The following CEP350 variants were observed in gnomAD, a reference collection of about 807,000 sequenced individuals.
CEP350 encodes centrosomal protein 350, also known as centrosome-associated protein 350.
CEP350 carries 126 observed loss-of-function variants against 331.8 expected under a neutral mutation model. The observed-to-expected ratio is 0.38, with a 90% CI of 0.33 to 0.44. The LOEUF (loss-of-function observed/expected upper bound fraction) is 0.44, where lower values mean the gene tolerates loss of function less well. CEP350 is among the 20% of genes least tolerant of loss of function. The probability of loss-of-function intolerance (pLI) is 1.00; values close to 1 mark genes in which losing one functional copy is unlikely to be tolerated. For synonymous variants in CEP350, 1,200 were observed against 1,259.5 expected, an observed-to-expected ratio of 0.95 and a Z score of 1.00; for missense variants, 3,406 against 3,634.6, an observed-to-expected ratio of 0.94 and a Z score of 1.62.
At chr1:180,063,673 C>T (rs1407354176) in intron 26 of CEP350, among the ~76,000 whole-genome samples, 2 of 152,042 alleles carry the variant, frequency 1.3e-5, no homozygotes, top group Non-Finnish European at 2.9e-5. Flanking sequence ...ATTAGCTGGA[C>T]ATGGTGGCAT....
At chr1:179,996,394 T>C (rs1374914457) in intron 5 of CEP350, among the ~76,000 whole-genome samples, 159 bp from the exon 6 acceptor site, 1 of 152,224 alleles carries the variant, frequency 6.6e-6, no homozygotes, top group Non-Finnish European at 1.5e-5. Context: ...TGTTTTGATA[T>C]ATGTATACCT....
chr1:180,088,611 ATTTTTG>A lies in CEP350; in HGVS notation c.6425+897_6425+902del, dbSNP rs1163306450. ...GTTTCTTTAAAAAGTATTTTGGGAC[ATTTTTG>A]TTAGAGAGGTATGGCAGGCTCATTA... On this transcript the variant is annotated intron_variant, in intron 32 of 37. Coordinates refer to ENST00000367607, the MANE Select transcript of CEP350 (RefSeq NM_014810.5). 5.3e-5 allele frequency among the ~76,000 whole-genome samples: 8 copies of A among 152,280 alleles called. No individual in the cohort carries two copies. The East Asian group carries it at 1.5e-3, about 29-fold the overall frequency.
chr1:180,054,497 GA>G lies in CEP350; in HGVS notation c.5261del (p.Lys1754ArgfsTer4). On this transcript the variant is annotated frameshift_variant, in exon 25 of 38. Coordinates refer to ENST00000367607, the MANE Select transcript of CEP350 (RefSeq NM_014810.5). LOFTEE classifies it high-confidence loss of function. ...QRGLLLRLQQ[E>X]KAEIKRLQEA... Reference sequence around the variant, plus strand: ...TGGTTTGCTTTTAAGGTTGCAGCAAGAAAAGGTATGTTAGGGAAGGCACCCC... The same window carrying G: ...TGGTTTGCTTTTAAGGTTGCAGCAAGAAAGGTATGTTAGGGAAGGCACCCC... 6.3e-7 allele frequency: 1 copy of G among 1,596,266 alleles called. No individual in the cohort carries two copies. The highest frequency in any genetic ancestry group is 8.5e-7 in the Non-Finnish European group (1 of 1,170,968).
intron 16 of CEP350, among the ~76,000 whole-genome samples, chr1:180,034,522 T>A (rs1430625092): frequency 6.6e-6 from 1 of 151,938 alleles, no homozygotes; most frequent in East Asian, 1.9e-4. Context: ...TTGAACAAAT[T>A]CATCAGTGCC....
chr1:180,057,339 G>A (rs1272532792), intron 25 of CEP350, among the ~76,000 whole-genome samples: 1 of 151,930 alleles, frequency 6.6e-6, no homozygotes, highest in African/African-American at 2.4e-5. Context: ...GACCTCAGGT[G>A]ATCCACCCAC....
At chr1:180,005,470 A>G (rs1453466407) in intron 7 of CEP350, among the ~76,000 whole-genome samples, 2 of 151,822 alleles carry the variant, frequency 1.3e-5, no homozygotes, top group Non-Finnish European at 2.9e-5. Context: ...CACTTTCACC[A>G]CTTCCATTAC....
In CEP350 at chr1:180,110,980, T is replaced by G. The variant is rs3767202; in HGVS notation, c.9190-17T>G. On this transcript the variant is annotated splice_polypyrimidine_tract_variant and intron_variant, in intron 37 of 37. Coordinates refer to ENST00000367607, the MANE Select transcript of CEP350 (RefSeq NM_014810.5). ...TATGACAGGAATTTTCTAACCTTAT[T>G]GTCTTCTAAATCCTAGGTTCAGGAG... The G allele has an allele frequency of 0.64, 1,022,141 of 1,606,632 alleles. 332,322 individuals are homozygous for G. The highest frequency in any genetic ancestry group is 0.76 in the Admixed American group (45,664 of 59,796).
intron 8 of CEP350, among the ~76,000 whole-genome samples, chr1:180,008,179 A>G (rs2148779660): frequency 6.6e-6 from 1 of 152,326 alleles, no homozygotes; most frequent in East Asian, 1.9e-4. Context: ...CGTTCCAACC[A>G]GTATTAGTCA....
At chr1:180,036,380 A>G (rs1183775064) in intron 16 of CEP350, among the ~76,000 whole-genome samples, 4 of 152,230 alleles carry the variant, frequency 2.6e-5, no homozygotes, top group Non-Finnish European at 5.9e-5. Flanking sequence ...GTCAAATGCT[A>G]CCAAACAGCA....
At chr1:180,066,256 A>G (rs1051435624) in intron 27 of CEP350, among the ~76,000 whole-genome samples, 4 of 152,136 alleles carry the variant, frequency 2.6e-5, no homozygotes, top group South Asian at 2.1e-4. Flanking sequence ...TGTGGACTCT[A>G]TTCTTGCCTC....
intron 1 of CEP350, among the ~76,000 whole-genome samples, chr1:179,973,456 G>A (rs1412419228): frequency 6.6e-6 from 1 of 152,132 alleles, no homozygotes; most frequent in Non-Finnish European, 1.5e-5. Flanking sequence ...CCCTGTTCCT[G>A]TCAGTGAGTG....
chr1:179,974,079 GTTTGT>G (rs945226090), intron 1 of CEP350, among the ~76,000 whole-genome samples: 3 of 116,506 alleles, frequency 2.6e-5, no homozygotes, highest in East Asian at 3.0e-4. Flanking sequence ...GTGTTTGTTT[GTTTGT>G]TTTGTTTTGT....
chr1:180,079,644 A>G (rs1232386685), intron 29 of CEP350, among the ~76,000 whole-genome samples: 1 of 151,974 alleles, frequency 6.6e-6, no homozygotes, highest in Non-Finnish European at 1.5e-5. Context: ...TAATTTACTT[A>G]TAGCATTATC....
chr1:180,006,246 T>G (rs1395952547), intron 7 of CEP350, among the ~76,000 whole-genome samples: 2 of 151,490 alleles, frequency 1.3e-5, no homozygotes. Context: ...AATACTGGAG[T>G]GGTGGTAATC....
chr1:179,984,307 T>A (rs1333192546), intron 1 of CEP350, among the ~76,000 whole-genome samples: 3 of 152,228 alleles, frequency 2.0e-5, no homozygotes, highest in African/African-American at 4.8e-5. Flanking sequence ...GTAAGGAATT[T>A]GGGAGCAGCT....
intron 5 of CEP350, among the ~76,000 whole-genome samples, chr1:179,992,889 GT>G (rs1287817267): frequency 1.3e-5 from 2 of 152,058 alleles, no homozygotes; most frequent in Non-Finnish European, 2.9e-5. Context: ...CACTGGGCCT[GT>G]TTTTTTGTTT....
chr1:180,043,048 A>C lies in CEP350; in HGVS notation c.4363-8A>C. The C allele has an allele frequency of 6.2e-7, 1 of 1,609,332 alleles. No individual in the cohort carries two copies. The highest frequency in any genetic ancestry group is 8.5e-7 in the Non-Finnish European group (1 of 1,177,640). On this transcript the variant is annotated splice_polypyrimidine_tract_variant and splice_region_variant and intron_variant, in intron 19 of 37. Coordinates refer to ENST00000367607, the MANE Select transcript of CEP350 (RefSeq NM_014810.5). Reference sequence around the variant, plus strand: ...ACATTTGCCTTTCTTGTGTGTGTTCATGTTTAGATGGCAGAGTTGACTAGA... The same window carrying C: ...ACATTTGCCTTTCTTGTGTGTGTTCCTGTTTAGATGGCAGAGTTGACTAGA...
chr1:180,098,752 T>C, intron 36 of CEP350, 111 bp from the exon 37 acceptor site: 1 of 879,644 alleles, frequency 1.1e-6, no homozygotes, highest in Non-Finnish European at 1.7e-6. Flanking sequence ...TGTATGATAA[T>C]TTTATTGTAA....
At chr1:180,043,739 T>G (rs1280301505) in intron 20 of CEP350, among the ~76,000 whole-genome samples, 1 of 151,470 alleles carries the variant, frequency 6.6e-6, no homozygotes, top group Non-Finnish European at 1.5e-5. Context: ...TTAAAGAGAT[T>G]ATTTTTGGCG....
Sources: allele counts gnomAD v4.1 joint callset (sites outside exome capture counted in the v4.1 genomes callset), GRCh38; gene constraint gnomAD v4.1.1; transcripts MANE v1.5; gene names NCBI Gene and HGNC (gene_info 2026-07-23, HGNC 2026-07-21).